Variants in RSPH9 observed in about 807,000 individuals in gnomAD.
RSPH9 encodes radial spoke head component 9.
RSPH9 carries 27 observed loss-of-function variants against 27.0 expected under a neutral mutation model. The ratio of observed to expected loss-of-function variants is 1.00; its 90% confidence interval spans 0.74 to 1.38. RSPH9 has a LOEUF of 1.38. RSPH9 is among the 40% of genes most tolerant of loss of function. The pLI, the probability that RSPH9 is intolerant of heterozygous loss-of-function variation, is 0.00. For synonymous variants in RSPH9, 145 were observed against 147.7 expected, an observed-to-expected ratio of 0.98 and a Z score of 0.13; for missense variants, 347 against 357.4, an observed-to-expected ratio of 0.97 and a Z score of 0.24.
chr6:43,653,058 A>G (rs189638920), intron 2 of RSPH9, among the ~76,000 whole-genome samples: 39 of 152,082 alleles, frequency 2.6e-4, no homozygotes, highest in African/African-American at 9.2e-4. Context: ...GTTTCAAGCA[A>G]TCCTCCCACC....
At chr6:43,645,391 G>GGGGGGGGGGGGGGGGGGGGCC in intron 1 of RSPH9, 66 bp downstream of exon 1, 1 of 400,202 alleles carries the variant, frequency 2.5e-6, no homozygotes, top group African/African-American at 2.3e-5. Flanking sequence ...GGGTGGGCGG[G>GGGGGGGGGGGGGGGGGGGGCC]TCGCAGCAAT....
chr6:43,651,310 G>C (rs912853497), intron 2 of RSPH9, among the ~76,000 whole-genome samples: 1 of 152,136 alleles, frequency 6.6e-6, no homozygotes, highest in African/African-American at 2.4e-5. Context: ...ACTGGATAAA[G>C]GCAGTGGGTA....
At chr6:43,656,555 C>T (rs1297159398) in intron 3 of RSPH9, 22 bp from the exon 4 acceptor site, 4 of 1,613,984 alleles carry the variant, frequency 2.5e-6, no homozygotes, top group Admixed American at 1.7e-5. Context: ...CCATCATTTT[C>T]CTGCCTGCCA....
chr6:43,656,013 CT>C (rs1771986481), intron 3 of RSPH9, among the ~76,000 whole-genome samples: 10 of 132,512 alleles, frequency 7.5e-5, no homozygotes, highest in Admixed American at 4.4e-4. Flanking sequence ...TCCTTCCTTC[CT>C]TCCTTCCTTC....
At chr6:43,651,384 G>T (rs1227107673) in intron 2 of RSPH9, among the ~76,000 whole-genome samples, 1 of 152,116 alleles carries the variant, frequency 6.6e-6, no homozygotes, top group Non-Finnish European at 1.5e-5. Flanking sequence ...CAGGGAATGT[G>T]CACAGGCTCT....
At chr6:43,657,647 G>T (rs1004839013) in intron 4 of RSPH9, among the ~76,000 whole-genome samples, 1 of 152,204 alleles carries the variant, frequency 6.6e-6, no homozygotes, top group African/African-American at 2.4e-5. Flanking sequence ...CAACTGGGGG[G>T]TATCTCAGGA....
At chr6:43,646,174 C>A (rs921409814) in intron 1 of RSPH9, among the ~76,000 whole-genome samples, 1 of 152,002 alleles carries the variant, frequency 6.6e-6, no homozygotes, top group South Asian at 2.1e-4. Context: ...CTCTGTCGCC[C>A]AGGCTGGAGT....
rs201878328 is a variant in RSPH9 at position 43,671,811 on chromosome 6, A to G, written c.*862A>G. On this transcript the variant is annotated 3_prime_UTR_variant, in exon 5 of 5. Transcript: ENST00000372163. ...TCTTGAGTAGCAGACATTGTCCCTC[A>G]GAAGGGGTGACCCCACGGGCATGCG... The G allele has an allele frequency of 5.0e-5, 81 of 1,614,080 alleles. No homozygotes were observed. The highest frequency in any genetic ancestry group is 1.7e-4 in the Admixed American group (10 of 60,008).
chr6:43,667,328 G>C (rs895089869), intron 4 of RSPH9, among the ~76,000 whole-genome samples: 2 of 152,254 alleles, frequency 1.3e-5, no homozygotes, highest in Non-Finnish European at 2.9e-5. Flanking sequence ...CTGGTGCAAA[G>C]GTCTCAGAAT....
At position 43,670,917 on chromosome 6, in the gene RSPH9, G is replaced by T. The variant is rs1554149875; in HGVS notation, c.799G>T (p.Glu267Ter). 1 of 1,614,188 alleles carries T rather than the reference G, an allele frequency of 6.2e-7. No individual in the cohort carries two copies. Among genetic ancestry groups the T allele is most frequent in the Non-Finnish European group, 8.5e-7 (1 of 1,180,028 alleles). The change falls in exon 5 of 5, where the codon GAG (glutamate) becomes TAG (stop). Residue 267 changes from glutamate (E) to a stop codon, truncating the protein, a stop_gained. Coordinates refer to ENST00000372163, the MANE Select transcript of RSPH9 (RefSeq NM_152732.5). LOFTEE classifies it high-confidence loss of function. ...TGGCTACGTCTACGTGGGCACTGGCGAGAAGAACATGGACTTGCCCTTCAT... is the reference window on the plus strand; with the variant it reads ...TGGCTACGTCTACGTGGGCACTGGCTAGAAGAACATGGACTTGCCCTTCAT... Reference protein sequence around the residue: ...NYGYVYVGTGEKNMDLPFML With the variant: ...NYGYVYVGTG
intron 4 of RSPH9, among the ~76,000 whole-genome samples, chr6:43,659,961 C>T (rs529159982): frequency 1.3e-5 from 2 of 151,150 alleles, no homozygotes; most frequent in East Asian, 3.9e-4. Context: ...CTCTTGAACT[C>T]ATGACCTCAG....
chr6:43,655,474 G>A (rs930690235), intron 2 of RSPH9, 88 bp from the exon 3 acceptor site: 11 of 1,467,450 alleles, frequency 7.5e-6, no homozygotes, highest in African/African-American at 5.5e-5. Context: ...CTGCAGTGGT[G>A]CGGGTGAGAT....
chr6:43,646,935 A>G (rs1047720721), intron 1 of RSPH9, among the ~76,000 whole-genome samples: 13 of 150,064 alleles, frequency 8.7e-5, no homozygotes, highest in Non-Finnish European at 1.5e-4. Flanking sequence ...AGCCTGGGTG[A>G]CAGAGTGAGA....
At chr6:43,669,235 C>T (rs115336808) in intron 4 of RSPH9, among the ~76,000 whole-genome samples, 408 of 152,316 alleles carry the variant, frequency 2.7e-3, no homozygotes, top group Non-Finnish European at 4.2e-3. Context: ...TTTGCATGGG[C>T]GATGGCACTT....
intron 2 of RSPH9, among the ~76,000 whole-genome samples, chr6:43,651,523 G>C (rs1481296651): frequency 2.0e-5 from 3 of 152,006 alleles, no homozygotes; most frequent in Non-Finnish European, 4.4e-5. Flanking sequence ...CCTCTATTTA[G>C]GGGACATTAA....
chr6:43,661,742 T>G (rs919324301), intron 4 of RSPH9, among the ~76,000 whole-genome samples: 1 of 151,820 alleles, frequency 6.6e-6, no homozygotes, highest in African/African-American at 2.4e-5. Flanking sequence ...ATTAAAAATC[T>G]ATTGTTTAGT....
intron 4 of RSPH9, among the ~76,000 whole-genome samples, chr6:43,659,612 G>A (rs1772400805): frequency 6.6e-6 from 1 of 152,080 alleles, no homozygotes; most frequent in Admixed American, 6.5e-5. Flanking sequence ...TCAATCGCCT[G>A]ACCTCGTGAT....
At position 43,645,187 on chromosome 6, in the gene RSPH9, C is replaced by A. The variant is rs1770711552; in HGVS notation, c.89C>A (p.Thr30Lys). Residue 30 changes from threonine (T) to lysine (K), a missense_variant, in exon 1 of 5, where the codon ACG (threonine) becomes AAG (lysine). Thr to Lys is a moderately conservative substitution (Grantham distance 78). Coordinates refer to ENST00000372163, the MANE Select transcript of RSPH9 (RefSeq NM_152732.5). ...CCGGACCGTCGGGCCTCGCTGCTCACGTCTCTTATGCTGGTTAAGCGCGAC... is the reference window on the plus strand; with the variant it reads ...CCGGACCGTCGGGCCTCGCTGCTCAAGTCTCTTATGCTGGTTAAGCGCGAC... ...LSPDRRASLL[T>K]SLMLVKRDYR... The A allele has an allele frequency of 6.2e-7, 1 of 1,613,884 alleles. No homozygotes were observed. The highest frequency in any genetic ancestry group is 8.5e-7 in the Non-Finnish European group (1 of 1,180,006).
chr6:43,654,290 A>C (rs569969683), intron 2 of RSPH9, among the ~76,000 whole-genome samples: 5 of 152,320 alleles, frequency 3.3e-5, no homozygotes, highest in African/African-American at 9.6e-5. Flanking sequence ...ACTAAATTTC[A>C]TCTGTGTAAA....
Sources: gnomAD v4.1 joint callset for allele counts (sites outside exome capture counted in the v4.1 genomes callset) on GRCh38, gnomAD v4.1.1 for gene constraint, MANE v1.5 for transcripts, NCBI Gene and HGNC (gene_info 2026-07-23, HGNC 2026-07-21) for gene names.